The following PTPRM variants were observed in gnomAD, a reference collection of about 807,000 sequenced individuals.
PTPRM encodes receptor-type tyrosine-protein phosphatase mu.
Under a neutral mutation model 186.7 loss-of-function variants are expected in PTPRM, and 47 were observed. That is an observed-to-expected ratio of 0.25 (90% CI 0.20 to 0.32). The LOEUF is 0.32. Ranked by LOEUF, PTPRM falls within the 10% of genes least tolerant of loss-of-function variation. The pLI, the probability that PTPRM is intolerant of heterozygous loss-of-function variation, is 1.00. For synonymous variants in PTPRM, 668 were observed against 674.9 expected, an observed-to-expected ratio of 0.99 and a Z score of 0.16; for missense variants, 1,494 against 1,865.0, an observed-to-expected ratio of 0.80 and a Z score of 3.66.
chr18:7,860,601 C>G (rs2047330543), intron 2 of PTPRM, among the ~76,000 whole-genome samples: 1 of 152,182 alleles, frequency 6.6e-6, no homozygotes, highest in Non-Finnish European at 1.5e-5. Flanking sequence ...TGGCCTCTTT[C>G]ACCACCTTTT....
intron 1 of PTPRM, among the ~76,000 whole-genome samples, chr18:7,716,619 T>C (rs1598426368): frequency 6.6e-6 from 1 of 152,136 alleles, no homozygotes; most frequent in Admixed American, 6.5e-5. Flanking sequence ...ATCTGCAAAG[T>C]ACTTAAACTT....
At chr18:8,330,233 C>T (rs1258699493) in intron 22 of PTPRM, among the ~76,000 whole-genome samples, 1 of 152,158 alleles carries the variant, frequency 6.6e-6, no homozygotes, top group Non-Finnish European at 1.5e-5. Context: ...CACCCATGGG[C>T]ACAGTTTAGG....
chr18:7,714,359 G>A (rs1490474013), intron 1 of PTPRM, among the ~76,000 whole-genome samples: 2 of 152,052 alleles, frequency 1.3e-5, no homozygotes, highest in Non-Finnish European at 2.9e-5. Flanking sequence ...CTGGGACACA[G>A]CTAAAGCAGT....
chr18:8,185,858 T>C (rs1259026042), intron 14 of PTPRM, among the ~76,000 whole-genome samples: 1 of 152,176 alleles, frequency 6.6e-6, no homozygotes, highest in Non-Finnish European at 1.5e-5. Flanking sequence ...ATAGGTACTA[T>C]GTTAACGTAT....
chr18:8,216,216 G>A lies in PTPRM; in HGVS notation c.2301-27842G>A, dbSNP rs200423671. Among the ~76,000 whole-genome samples, 19 of 151,278 alleles carry A rather than the reference G, an allele frequency of 1.3e-4. No individual in the cohort carries two copies. In the East Asian group the frequency reaches 3.5e-3, roughly 28 times the overall value. On this transcript the variant is annotated intron_variant, in intron 14 of 32. Coordinates refer to ENST00000580170, the MANE Select transcript of PTPRM (RefSeq NM_001105244.2). ...TCTCTCTTTTTTCTTTTTCTTTAAC[G>A]TTTTTCCAACAAGATTGTCTGTTTA... is the stretch of plus-strand genomic sequence containing the variant.
intron 7 of PTPRM, among the ~76,000 whole-genome samples, chr18:8,054,566 A>G (rs1052719040): frequency 6.6e-6 from 1 of 151,888 alleles, no homozygotes; most frequent in African/African-American, 2.4e-5. Context: ...TATAGTTGAT[A>G]TCTTAAACTT....
Position 8,147,944 on chromosome 18 carries a change from G to A in PTPRM, c.2300+4165G>A, listed in dbSNP as rs138316081. On this transcript the variant is annotated intron_variant, in intron 14 of 32. Coordinates refer to ENST00000580170, the MANE Select transcript of PTPRM (RefSeq NM_001105244.2). Reference sequence around the variant, plus strand: ...TGGTTCTGTTTATGTGATGGGTTACGTTTATTGATTTGTGTATGTTGAACC... The same window carrying A: ...TGGTTCTGTTTATGTGATGGGTTACATTTATTGATTTGTGTATGTTGAACC... Among the ~76,000 whole-genome samples the A allele has an allele frequency of 2.9e-3, 443 of 152,250 alleles. 7 individuals carry two copies. The East Asian group carries it at 0.042, about 15-fold the overall frequency.
intron 13 of PTPRM, among the ~76,000 whole-genome samples, chr18:8,129,432 T>G (rs890910066): frequency 2.0e-5 from 3 of 152,216 alleles, no homozygotes; most frequent in Admixed American, 6.5e-5. Flanking sequence ...ATTGTGATAT[T>G]TTGATTTTCA....
At chr18:8,070,728 A>C (rs963000245) in intron 8 of PTPRM, among the ~76,000 whole-genome samples, 2 of 152,368 alleles carry the variant, frequency 1.3e-5, no homozygotes, top group African/African-American at 4.8e-5. Context: ...ATATTCATAT[A>C]GTACATAAAA....
At chr18:8,284,945 A>G (rs1210371539) in intron 19 of PTPRM, among the ~76,000 whole-genome samples, 1 of 152,204 alleles carries the variant, frequency 6.6e-6, no homozygotes, top group Admixed American at 6.5e-5. Flanking sequence ...ATTTATAATT[A>G]TCATGTATTT....
chr18:8,305,985 C>T (rs1462704173), intron 20 of PTPRM, among the ~76,000 whole-genome samples: 1 of 151,968 alleles, frequency 6.6e-6, no homozygotes, highest in Non-Finnish European at 1.5e-5. Flanking sequence ...GCGGCCTCTG[C>T]CTCCTGGGTT....
At chr18:7,828,274 C>CT (rs2045588344) in intron 2 of PTPRM, among the ~76,000 whole-genome samples, 1 of 148,476 alleles carries the variant, frequency 6.7e-6, no homozygotes, top group African/African-American at 2.5e-5. Context: ...TATTATTATA[C>CT]TTTAAGTTTT....
chr18:8,315,757 A>G (rs2095304866), intron 21 of PTPRM, among the ~76,000 whole-genome samples: 1 of 152,252 alleles, frequency 6.6e-6, no homozygotes, highest in Non-Finnish European at 1.5e-5. Flanking sequence ...TAGCATCACA[A>G]TCTCTAAGAA....
intron 7 of PTPRM, among the ~76,000 whole-genome samples, chr18:7,978,564 C>T (rs1490743328): frequency 6.6e-6 from 1 of 152,176 alleles, no homozygotes; most frequent in African/African-American, 2.4e-5. Context: ...TCTTGGTGAG[C>T]CTGCCATGCT....
chr18:7,571,503 G>T (rs1219126853), intron 1 of PTPRM, among the ~76,000 whole-genome samples: 1 of 152,160 alleles, frequency 6.6e-6, no homozygotes, highest in African/African-American at 2.4e-5. Flanking sequence ...ATAATACAAT[G>T]AAGTGTTTAG....
Position 8,149,837 on chromosome 18 carries a change from G to A in PTPRM, c.2300+6058G>A, listed in dbSNP as rs375950513. 3.2e-4 allele frequency among the ~76,000 whole-genome samples: 48 copies of A among 152,274 alleles called. No homozygotes were observed. In the South Asian group the frequency reaches 6.2e-3, roughly 20 times the overall value. On this transcript the variant is annotated intron_variant, in intron 14 of 32. Transcript: ENST00000580170. ...TTCCTTCAGGAGCTCTTGTAAGGCA[G>A]GCCTGGTGGTGACAAAATCTCTCAG...
intron 13 of PTPRM, among the ~76,000 whole-genome samples, chr18:8,130,754 G>A (rs2092483571): frequency 6.6e-6 from 1 of 152,292 alleles, no homozygotes; most frequent in Non-Finnish European, 1.5e-5. Flanking sequence ...GATTTTAAAA[G>A]GGAAATTCAC....
At chr18:7,901,532 A>T (rs2049685381) in intron 3 of PTPRM, among the ~76,000 whole-genome samples, 1 of 152,008 alleles carries the variant, frequency 6.6e-6, no homozygotes, top group Non-Finnish European at 1.5e-5. Context: ...ACGCCCGGCT[A>T]ATTTTTGTAT....
chr18:8,054,846 T>C (rs892749907), intron 7 of PTPRM, among the ~76,000 whole-genome samples: 3 of 152,146 alleles, frequency 2.0e-5, no homozygotes, highest in African/African-American at 7.2e-5. Context: ...GGTACAATTC[T>C]TTGAAATTAG....
Sources: gnomAD v4.1 joint callset for allele counts (sites outside exome capture counted in the v4.1 genomes callset) on GRCh38, gnomAD v4.1.1 for gene constraint, MANE v1.5 for transcripts, NCBI Gene and HGNC (gene_info 2026-07-23, HGNC 2026-07-21) for gene names.